Variants in SLC35F4 observed in about 807,000 individuals in gnomAD.
SLC35F4 encodes chromosome 14 open reading frame 36.
SLC35F4 carries 24 observed loss-of-function variants against 44.2 expected under a neutral mutation model. That is an observed-to-expected ratio of 0.54 (90% confidence interval 0.39 to 0.76). SLC35F4 has a LOEUF of 0.76. Ranked by LOEUF, SLC35F4 falls within the 30% of genes least tolerant of loss-of-function variation. The probability of loss-of-function intolerance (pLI) is 0.00; values close to 1 mark genes in which losing one functional copy is unlikely to be tolerated. For missense variants in SLC35F4, 562 were observed against 586.1 expected (o/e 0.96, Z 0.42); for synonymous variants, 238 against 223.6 (o/e 1.06, Z -0.57).
chr14:57,810,578 G>T (rs1288619225), intron 1 of SLC35F4, among the ~76,000 whole-genome samples: 4 of 152,166 alleles, frequency 2.6e-5, no homozygotes, highest in African/African-American at 4.8e-5. Flanking sequence ...CTTTCACACA[G>T]GATCAAGTGA....
chr14:57,758,519 T>C (rs975827859), intron 1 of SLC35F4, among the ~76,000 whole-genome samples: 2 of 152,020 alleles, frequency 1.3e-5, no homozygotes, highest in Admixed American at 6.6e-5. Flanking sequence ...ATTCCAGTCA[T>C]ATATATATAT....
intron 7 of SLC35F4, among the ~76,000 whole-genome samples, chr14:57,565,622 T>C (rs268819): frequency 0.22 from 33,594 of 152,154 alleles, 3,889 homozygotes; most frequent in East Asian, 0.32. Context: ...TCCACTCTGA[T>C]ATTTCTTTTC....
chr14:57,630,977 C>A, intron 1 of SLC35F4: 1 of 371,076 alleles, frequency 2.7e-6, no homozygotes, highest in Non-Finnish European at 3.7e-6. Flanking sequence ...ATGTGGTTGA[C>A]CATAATTTGC....
intron 1 of SLC35F4, among the ~76,000 whole-genome samples, chr14:57,979,956 T>C (rs1382843220): frequency 6.6e-6 from 1 of 152,248 alleles, no homozygotes; most frequent in African/African-American, 2.4e-5. Flanking sequence ...TTCCAAAAAG[T>C]TGGCTAATAA....
At chr14:57,809,346 A>G (rs2140880641) in intron 1 of SLC35F4, among the ~76,000 whole-genome samples, 1 of 152,286 alleles carries the variant, frequency 6.6e-6, no homozygotes, top group African/African-American at 2.4e-5. Flanking sequence ...GAATCATGTG[A>G]CTGACTTCTG....
chr14:57,657,241 A>C (rs116009235), intron 1 of SLC35F4, among the ~76,000 whole-genome samples: 280 of 152,362 alleles, frequency 1.8e-3, no homozygotes, highest in African/African-American at 6.5e-3. Context: ...AAAGGGCATA[A>C]GACTCCCACT....
intron 1 of SLC35F4, among the ~76,000 whole-genome samples, chr14:57,597,292 C>A (rs1380730210): frequency 2.0e-5 from 3 of 152,162 alleles, no homozygotes; most frequent in Admixed American, 1.3e-4. Flanking sequence ...GTCCCCTATC[C>A]TTCTTAAAGA....
At chr14:57,914,116 T>C (rs7157645) in intron 1 of SLC35F4, among the ~76,000 whole-genome samples, 39,191 of 152,052 alleles carry the variant, frequency 0.26, 5,193 homozygotes, top group East Asian at 0.41. Flanking sequence ...ATACCACCAG[T>C]GGGTAACTTA....
chr14:57,928,411 G>T (rs1889625374), intron 1 of SLC35F4, among the ~76,000 whole-genome samples: 1 of 152,150 alleles, frequency 6.6e-6, no homozygotes, highest in African/African-American at 2.4e-5. Flanking sequence ...AGGTCACCCT[G>T]ACTGCACAGT....
At chr14:57,637,702 T>C (rs1009767777) in intron 1 of SLC35F4, among the ~76,000 whole-genome samples, 4 of 152,128 alleles carry the variant, frequency 2.6e-5, no homozygotes, top group African/African-American at 9.6e-5. Context: ...TGTTTTAATA[T>C]AATGTAATAC....
chr14:57,646,145 G>A (rs2073498963), intron 1 of SLC35F4, among the ~76,000 whole-genome samples: 1 of 152,194 alleles, frequency 6.6e-6, no homozygotes, highest in East Asian at 1.9e-4. Context: ...CATAAAATGA[G>A]TTAGGAAGGA....
chr14:57,732,768 A>G (rs532618512), intron 1 of SLC35F4, among the ~76,000 whole-genome samples: 1 of 152,200 alleles, frequency 6.6e-6, no homozygotes, highest in African/African-American at 2.4e-5. Flanking sequence ...TCTATCCACA[A>G]AAAGAGTCAT....
At chr14:57,961,744 GCTCC>G (rs1156341941) in intron 1 of SLC35F4, among the ~76,000 whole-genome samples, 3 of 152,090 alleles carry the variant, frequency 2.0e-5, no homozygotes, top group African/African-American at 7.2e-5. Flanking sequence ...TGCCCACACT[GCTCC>G]CTCCATCTGG....
intron 4 of SLC35F4, chr14:57,580,303 A>G: frequency 6.1e-6 from 1 of 163,506 alleles, no homozygotes. Context: ...GGGGGAAAGG[A>G]CCTTGGAATC....
intron 1 of SLC35F4, among the ~76,000 whole-genome samples, chr14:57,717,013 CCT>C (rs2075963379): frequency 6.6e-6 from 1 of 152,154 alleles, no homozygotes; most frequent in African/African-American, 2.4e-5. Flanking sequence ...AACACAGTGT[CCT>C]ACAGGCTCAC....
chr14:57,878,340 T>C (rs1888446430), intron 1 of SLC35F4, among the ~76,000 whole-genome samples: 1 of 152,196 alleles, frequency 6.6e-6, no homozygotes, highest in African/African-American at 2.4e-5. Flanking sequence ...TTTCTAACCA[T>C]AGCCAACCTG....
At chr14:57,775,132 C>G (rs565325901) in intron 1 of SLC35F4, among the ~76,000 whole-genome samples, 2 of 152,250 alleles carry the variant, frequency 1.3e-5, no homozygotes, top group Non-Finnish European at 1.5e-5. Flanking sequence ...CCCACCAGCA[C>G]CCCACCCCTG....
At chr14:57,630,576 A>T in intron 1 of SLC35F4, 1 of 1,007,482 alleles carries the variant, frequency 9.9e-7, no homozygotes, top group Non-Finnish European at 1.6e-6. Flanking sequence ...TATGAAAAGG[A>T]ATTAGGGAAA....
chr14:57,667,341 A>G (rs2074346792), intron 1 of SLC35F4, among the ~76,000 whole-genome samples: 1 of 151,160 alleles, frequency 6.6e-6, no homozygotes, highest in Non-Finnish European at 1.5e-5. Flanking sequence ...GTTGTTGTTT[A>G]TTTATTTTTA....
Sources: gnomAD v4.1 joint callset for allele counts (sites outside exome capture counted in the v4.1 genomes callset) on GRCh38, gnomAD v4.1.1 for gene constraint, MANE v1.5 for transcripts, NCBI Gene and HGNC (gene_info 2026-07-23, HGNC 2026-07-21) for gene names.